Variants in IRF3 observed in about 807,000 individuals in gnomAD.
IRF3 encodes the protein interferon regulatory factor 3.
Under a neutral mutation model 43.2 loss-of-function variants are expected in IRF3, and 29 were observed. The ratio of observed to expected loss-of-function variants is 0.67; its 90% CI spans 0.50 to 0.91. The LOEUF (loss-of-function observed/expected upper bound fraction) is 0.91, where lower values mean the gene tolerates loss of function less well. Ranked by LOEUF, IRF3 falls within the 40% of genes least tolerant of loss-of-function variation. The pLI is 0.00. For missense variants in IRF3, 505 were observed against 559.1 expected (o/e 0.90, Z 0.98); for synonymous variants, 228 against 233.9 (o/e 0.97, Z 0.23).
At position 49,665,691 on chromosome 19, in the gene IRF3, G is replaced by C; in HGVS notation, c.-69C>G. On this transcript the variant is annotated 5_prime_UTR_variant, in exon 1 of 8. Coordinates refer to ENST00000377139, the MANE Select transcript of IRF3 (RefSeq NM_001571.6). ...ACCCACCCCTGTCTTGGAGCTCCGGGTAGCTCTCAAACTCGAGGCTGCGCA... is the reference window on the plus strand; with the variant it reads ...ACCCACCCCTGTCTTGGAGCTCCGGCTAGCTCTCAAACTCGAGGCTGCGCA... 8.0e-7 allele frequency: 1 copy of C among 1,253,980 alleles called. No homozygotes were observed. The highest frequency in any genetic ancestry group is 1.5e-5 in the South Asian group (1 of 66,918). The allele number at this position is 1,253,980 out of a possible 1,614,324, so 77.7% of individuals were successfully genotyped here. A position where few individuals can be genotyped will look rare whatever the true frequency, so the allele number is the denominator to read the frequency against.
At position 49,661,956 on chromosome 19, in the gene IRF3, A is replaced by C. The variant is rs754811594; in HGVS notation, c.974T>G (p.Phe325Cys). The C allele has an allele frequency of 6.2e-7, 1 of 1,606,742 alleles. No individual in the cohort carries two copies. Among genetic ancestry groups the C allele is most frequent in the Non-Finnish European group, 8.5e-7 (1 of 1,175,140 alleles). The change falls in exon 6 of 8, where the codon TTC (phenylalanine) becomes TGC (cysteine). Residue 325 changes from phenylalanine (F) to cysteine (C), a missense_variant. Phe to Cys is a radical substitution (Grantham distance 205). Coordinates refer to ENST00000377139, the MANE Select transcript of IRF3 (RefSeq NM_001571.6). ...GCCCCTGTCTCACTCACCTACAATG[A>C]AGGGCCCCAGGTCAAACACGCCTCC... is the stretch of plus-strand genomic sequence containing the variant. ...KEGGVFDLGP[F>C]IVDLITFTEG...
rs2081569778 is a variant in IRF3, at chr19:49,664,659, G to C, written c.165+15C>G. ...GCAGCTCCGGGTTTCCAGCGTCCCA[G>C]GTCGTCGCACGCACCTGGAAGATTC... is the stretch of plus-strand genomic sequence containing the variant. On this transcript the variant is annotated intron_variant, in intron 2 of 7. Coordinates refer to ENST00000377139, the MANE Select transcript of IRF3 (RefSeq NM_001571.6). 1 of 1,611,134 alleles carries C rather than the reference G, an allele frequency of 6.2e-7. No individual in the cohort carries two copies.
chr19:49,661,921 C>G (rs1282855448), intron 6 of IRF3, 27 bp downstream of exon 6: 1 of 1,582,080 alleles, frequency 6.3e-7, no homozygotes, highest in Non-Finnish European at 8.6e-7. Flanking sequence ...TTTGTACTGG[C>G]CAGGTCGAAG....
Position 49,663,377 on chromosome 19 carries a change from G to C in IRF3, c.303C>G (p.His101Gln). 1 of 1,614,222 alleles carries C rather than the reference G, an allele frequency of 6.2e-7. No individual in the cohort carries two copies. Among genetic ancestry groups the C allele is most frequent in the East Asian group, 2.2e-5 (1 of 44,888 alleles). The part of the protein sequence containing the change: ...RLAEDRSKDP[H>Q]DPHKIYEFVN... ...CAAACTCGTAGATTTTATGTGGGTC[G>C]TGAGGGTCCTTGCTCCGGTCCTCTG... is the stretch of plus-strand genomic sequence containing the variant. Residue 101 changes from histidine to glutamine, a missense_variant, in exon 3 of 8, where the codon CAC (histidine) becomes CAG (glutamine). By Grantham distance (24) the His-to-Gln change is conservative (BLOSUM62 0). Transcript: ENST00000377139.
chr19:49,664,497 C>A (rs1027649011), intron 2 of IRF3, 177 bp downstream of exon 2: 21 of 1,561,046 alleles, frequency 1.3e-5, no homozygotes, highest in Non-Finnish European at 1.7e-5. Context: ...GCTTGCGCCC[C>A]ACCATCAGTC....
Position 49,662,080 on chromosome 19 carries a change from G to A in IRF3, c.850C>T (p.Gln284Ter). ...LWRAGQWLWA[Q>*]RLGHCHTYWA... ...TATGTGTGGCAGTGCCCCAGCCGCT[G>A]GGCCCAGAGCCACTGCCCGGCCCGC... The change falls in exon 6 of 8, where the codon CAG (glutamine) becomes TAG (stop). Residue 284 changes from glutamine (Q) to a stop codon, truncating the protein, a stop_gained. Transcript: ENST00000377139. LOFTEE classifies it high-confidence loss of function. The A allele has an allele frequency of 1.2e-6, 2 of 1,613,838 alleles. No individual in the cohort carries two copies. Among genetic ancestry groups the A allele is most frequent in the Non-Finnish European group, 1.7e-6 (2 of 1,179,830 alleles).
rs759419726 is a variant in IRF3, at chr19:49,663,520, G to A, written c.166-6C>T. The A allele has an allele frequency of 8.7e-6, 14 of 1,613,522 alleles. No homozygotes were observed. Among genetic ancestry groups the A allele is most frequent in the African/African-American group, 1.3e-5 (1 of 74,912 alleles). ...CCAGTGGCCTCGGCCCAGGCCTGGG[G>A]CAACAGTGGTGTCAGGATGGTGGGG... On this transcript the variant is annotated splice_polypyrimidine_tract_variant and splice_region_variant and intron_variant, in intron 2 of 7. Coordinates refer to ENST00000377139, the MANE Select transcript of IRF3 (RefSeq NM_001571.6).
At chr19:49,661,864 C>T (rs778895955) in intron 6 of IRF3, 84 bp downstream of exon 6, 248 of 1,493,024 alleles carry the variant, frequency 1.7e-4, no homozygotes, top group Non-Finnish European at 2.2e-4. Flanking sequence ...CAGGCGTGAG[C>T]CACCGTGCCC....
In IRF3 at chr19:49,659,751, T is replaced by C. The variant is rs749194762; in HGVS notation, c.1181A>G (p.His394Arg). ...ASSLENTVDL[H>R]ISNSHPLSLT... ...GGAGAGTGGGTGGCTGTTGGAAATG[T>C]GCAGGTCCACAGTATTCTCCAGGGA... Residue 394 changes from histidine to arginine, a missense_variant, in exon 8 of 8, where the codon CAC becomes CGC. Transcript: ENST00000377139. The C allele has an allele frequency of 5.0e-6, 8 of 1,613,784 alleles. No homozygotes were observed. The East Asian group carries it at 1.1e-4, about 22-fold the overall frequency.
chr19:49,660,724 C>T lies in IRF3; in HGVS notation c.1087G>A (p.Val363Met), dbSNP rs148672096. The T allele has an allele frequency of 8.4e-4, 1,353 of 1,601,776 alleles. 9 individuals are homozygous for T. The African/African-American group carries it at 0.014, about 16-fold the overall frequency. The change falls in exon 7 of 8, where the codon GTG (valine) becomes ATG (methionine). Residue 363 changes from valine (V) to methionine (M), a missense_variant. By Grantham distance (21) the Val-to-Met change is conservative (BLOSUM62 1). Coordinates refer to ENST00000377139, the MANE Select transcript of IRF3 (RefSeq NM_001571.6). ...PQDQPWTKRLVMVKVVPTCLR... is the reference protein window; with the variant it reads ...PQDQPWTKRLMMVKVVPTCLR... ...AGGTCTGCAGGCACCTTGACCATCA[C>T]GAGCCTCTTGGTCCACGGCTGGTCC...
intron 1 of IRF3, 71 bp from the exon 2 acceptor site, chr19:49,664,917 C>G (rs34739574): frequency 6.7e-7 from 1 of 1,482,748 alleles, no homozygotes; most frequent in Non-Finnish European, 9.0e-7. Flanking sequence ...GTTTCCGCAC[C>G]CAGACCTCCT....
intron 7 of IRF3, among the ~76,000 whole-genome samples, chr19:49,660,143 C>T (rs1170730493): frequency 6.6e-6 from 1 of 151,840 alleles, no homozygotes; most frequent in Non-Finnish European, 1.5e-5. Flanking sequence ...ATCTTGACTC[C>T]TGGGAGCCAC....
At position 49,665,646 on chromosome 19, in the gene IRF3, G is replaced by A; in HGVS notation, c.-24C>T. ...TCCGCGTTACCTACGATGGAAGGTC[G>A]GGGCGTGCGGGCAGCTGGAACCCAC... is the stretch of plus-strand genomic sequence containing the variant. On this transcript the variant is annotated 5_prime_UTR_variant, in exon 1 of 8. Coordinates refer to ENST00000377139, the MANE Select transcript of IRF3 (RefSeq NM_001571.6). The A allele has an allele frequency of 2.6e-6, 2 of 760,960 alleles. No individual in the cohort carries two copies. The highest frequency in any genetic ancestry group is 2.9e-5 in the Admixed American group (1 of 34,396). The allele number at this position is 760,960 out of a possible 1,614,324, so 47.1% of individuals were successfully genotyped here.
chr19:49,664,587 C>T (rs1277697336), intron 2 of IRF3, 87 bp downstream of exon 2: 2 of 1,610,850 alleles, frequency 1.2e-6, no homozygotes, highest in Non-Finnish European at 1.7e-6. Flanking sequence ...CGCGCGCCAC[C>T]TCCGCCTTCT....
intron 2 of IRF3, chr19:49,664,397 CTA>C: frequency 7.3e-7 from 1 of 1,375,646 alleles, no homozygotes; most frequent in Non-Finnish European, 9.7e-7. Context: ...GCCCCGGCCT[CTA>C]GAAAGCCCCA....
In IRF3 at chr19:49,664,694, C is replaced by T; in HGVS notation, c.145G>A (p.Glu49Lys). ...CGCACCTGGAAGATTCCGAAATCCT[C>T]CTGCTGTGCATCCTGCCGTAGGCCG... The part of the protein sequence containing the change: ...KHGLRQDAQQ[E>K]DFGIFQAWAE... The change falls in exon 2 of 8, where the codon GAG becomes AAG. Residue 49 changes from glutamate to lysine, a missense_variant. By Grantham distance (56) the Glu-to-Lys change is moderately conservative. Coordinates refer to ENST00000377139, the MANE Select transcript of IRF3 (RefSeq NM_001571.6). 4.3e-6 allele frequency: 7 copies of T among 1,613,928 alleles called. No individual in the cohort carries two copies. Among genetic ancestry groups the T allele is most frequent in the Non-Finnish European group, 5.9e-6 (7 of 1,179,882 alleles).
At chr19:49,663,839 G>T (rs953640602) in intron 2 of IRF3, 1 of 320,100 alleles carries the variant, frequency 3.1e-6, no homozygotes, top group Non-Finnish European at 5.9e-6. Context: ...GGGATTACAG[G>T]TGGGCACCAC....
In IRF3 at chr19:49,665,669, CA is replaced by C. The variant is rs536628145; in HGVS notation, c.-48del. On this transcript the variant is annotated 5_prime_UTR_variant, in exon 1 of 8. Coordinates refer to ENST00000377139, the MANE Select transcript of IRF3 (RefSeq NM_001571.6). ...TCGGGGCGTGCGGGCAGCTGGAACC[CA>C]CCCCTGTCTTGGAGCTCCGGGTAGC... is the stretch of plus-strand genomic sequence containing the variant. 599 of 1,020,082 alleles carry C rather than the reference CA, an allele frequency of 5.9e-4. No homozygotes were observed. The highest frequency in any genetic ancestry group is 4.1e-3 in the African/African-American group (252 of 61,694). 63.2% of individuals were successfully genotyped at this position (1,020,082 alleles called of 1,614,324 possible). A position where few individuals can be genotyped will look rare whatever the true frequency, so the allele number is the denominator to read the frequency against.
In IRF3 at chr19:49,662,561, C is replaced by T. The variant is rs1004543391; in HGVS notation, c.465G>A (p.Pro155=). Reference sequence around the variant, plus strand: ...GGGCTACAGCCAGGCTTGGGGGTCCCGGATCTGGGAGTGGGGCCAACACCA... The same window carrying T: ...GGGCTACAGCCAGGCTTGGGGGTCCTGGATCTGGGAGTGGGGCCAACACCA... ...GNMVLAPLPD[P]GPPSLAVAPE... is the part of the protein sequence containing the mutation. The change falls in exon 5 of 8, where the codon CCG becomes CCA. Residue 155 remains proline, a synonymous_variant. Transcript: ENST00000377139. 7 of 1,528,110 alleles carry T rather than the reference C, an allele frequency of 4.6e-6. No homozygotes were observed. The highest frequency in any genetic ancestry group is 4.9e-5 in the East Asian group (2 of 41,114). 94.7% of individuals were successfully genotyped at this position (1,528,110 alleles called of 1,614,324 possible).
Sources: allele counts gnomAD v4.1 joint callset (sites outside exome capture counted in the v4.1 genomes callset), GRCh38; gene constraint gnomAD v4.1.1; transcripts MANE v1.5; gene names NCBI Gene and HGNC (gene_info 2026-07-23, HGNC 2026-07-21).